The following PDE11A variants were observed in gnomAD, a reference collection of about 807,000 sequenced individuals.
PDE11A encodes phosphodiesterase 11A.
In PDE11A, 100 loss-of-function variants were observed where a neutral mutation model predicts 100.5. The observed-to-expected ratio is 1.00, with a 90% CI of 0.85 to 1.18. PDE11A has a LOEUF of 1.18. PDE11A is among the 50% of genes most tolerant of loss of function. The pLI is 0.00. For synonymous variants in PDE11A, 381 were observed against 420.8 expected, an observed-to-expected ratio of 0.91 and a Z score of 1.16; for missense variants, 1,141 against 1,152.6, an observed-to-expected ratio of 0.99 and a Z score of 0.15.
chr2:178,066,019 A>T (rs1170548083), intron 1 of PDE11A, among the ~76,000 whole-genome samples: 1 of 152,050 alleles, frequency 6.6e-6, no homozygotes, highest in Non-Finnish European at 1.5e-5. Context: ...AATTTTATGT[A>T]TAATTTTTTG....
At chr2:177,786,432 T>C (rs1465122482) in intron 9 of PDE11A, among the ~76,000 whole-genome samples, 9 of 151,164 alleles carry the variant, frequency 6.0e-5, no homozygotes, top group Non-Finnish European at 1.0e-4. Context: ...ACCACAAAGA[T>C]GGGGAAAAAA....
chr2:177,830,445 C>T lies in PDE11A; in HGVS notation c.1500+9806G>A, dbSNP rs116937086. On this transcript the variant is annotated intron_variant, in intron 6 of 19. Coordinates refer to ENST00000286063, the MANE Select transcript of PDE11A (RefSeq NM_016953.4). ...TGAAACCCTGTCTCTGCTAAAAATA[C>T]GAAAAATTAGCCAGCCATGGTGGTG... is the stretch of plus-strand genomic sequence containing the variant. Among the ~76,000 whole-genome samples the T allele has an allele frequency of 8.9e-3, 1,358 of 151,758 alleles. 13 individuals carry two copies. The highest frequency in any genetic ancestry group is 0.059 in the East Asian group (302 of 5,136).
At chr2:177,645,421 T>C (rs2080209287) in intron 19 of PDE11A, among the ~76,000 whole-genome samples, 1 of 152,166 alleles carries the variant, frequency 6.6e-6, no homozygotes, top group Admixed American at 6.5e-5. Flanking sequence ...GGCCATGAAC[T>C]CCTGACCTGA....
chr2:177,806,755 ATG>A (rs1245520690), intron 9 of PDE11A, among the ~76,000 whole-genome samples: 3 of 152,102 alleles, frequency 2.0e-5, no homozygotes, highest in African/African-American at 7.2e-5. Context: ...ATAAAGAATT[ATG>A]TGTTAAAAAT....
chr2:178,058,249 T>C (rs1238224549), intron 1 of PDE11A, among the ~76,000 whole-genome samples: 1 of 152,212 alleles, frequency 6.6e-6, no homozygotes, highest in African/African-American at 2.4e-5. Flanking sequence ...GACTGAATTT[T>C]TCATTATATT....
At chr2:177,850,936 A>T (rs1247218782) in intron 5 of PDE11A, among the ~76,000 whole-genome samples, 65 of 152,282 alleles carry the variant, frequency 4.3e-4, no homozygotes, top group African/African-American at 1.3e-3. Flanking sequence ...ACACTGTTGG[A>T]GGGACTGTAA....
At chr2:177,672,046 G>A (rs879836531) in intron 17 of PDE11A, among the ~76,000 whole-genome samples, 13 of 152,022 alleles carry the variant, frequency 8.6e-5, no homozygotes, top group Non-Finnish European at 1.9e-4. Flanking sequence ...TATTACAGGA[G>A]CCTCCCCCAG....
intron 10 of PDE11A, among the ~76,000 whole-genome samples, chr2:177,756,655 T>C (rs2082094549): frequency 6.6e-6 from 1 of 152,152 alleles, no homozygotes; most frequent in Non-Finnish European, 1.5e-5. Flanking sequence ...GTTAGGAAAA[T>C]GAACCTAGTA....
Position 178,081,766 on chromosome 2 carries a change from T to C in PDE11A, c.162+22536A>G, listed in dbSNP as rs191923779. ...CTTCAGTTGCAAACAATTCTGGTGA[T>C]TTTCTTTCAACATTTGCACAAGTAA... On this transcript the variant is annotated intron_variant, in intron 2 of 20. Transcript: ENST00000358450. Among the ~76,000 whole-genome samples, 233 of 152,364 alleles carry C rather than the reference T, an allele frequency of 1.5e-3. 2 individuals carry two copies. Among genetic ancestry groups the C allele is most frequent in the Non-Finnish European group, 2.5e-3 (168 of 68,024 alleles).
chr2:177,769,234 A>T, intron 10 of PDE11A, 89 bp downstream of exon 10: 1 of 814,574 alleles, frequency 1.2e-6, no homozygotes, highest in South Asian at 1.3e-5. Flanking sequence ...AATGGGCAGG[A>T]TTAATTCTCT....
chr2:177,707,179 A>G (rs2081293044), intron 13 of PDE11A, among the ~76,000 whole-genome samples: 1 of 152,184 alleles, frequency 6.6e-6, no homozygotes, highest in Non-Finnish European at 1.5e-5. Flanking sequence ...GATTTGGGCA[A>G]GTTTACTTAC....
chr2:177,646,044 A>G (rs2080219644), intron 19 of PDE11A, among the ~76,000 whole-genome samples: 1 of 152,228 alleles, frequency 6.6e-6, no homozygotes. Context: ...GTGGAAAATA[A>G]TATTCACAAA....
At chr2:177,966,027 T>G (rs2085693177) in intron 2 of PDE11A, among the ~76,000 whole-genome samples, 1 of 152,220 alleles carries the variant, frequency 6.6e-6, no homozygotes, top group Non-Finnish European at 1.5e-5. Flanking sequence ...TGTCTCTGAT[T>G]TTTTTCAGCA....
rs557757237 is a variant in PDE11A, at chr2:178,106,317, T to C, written c.-13-1841A>G. On this transcript the variant is annotated intron_variant, in intron 1 of 20. Transcript: ENST00000358450. The stretch of plus-strand genomic sequence containing the variant: ...GTCAACAATCCAAGTAAAGGGAAGA[T>C]AGTTTTCTTTAGGCAGTATCCAAAA... Among the ~76,000 whole-genome samples the C allele has an allele frequency of 4.6e-5, 7 of 152,342 alleles. 1 individual carries two copies. The highest frequency in any genetic ancestry group is 9.6e-5 in the African/African-American group (4 of 41,576).
chr2:178,075,882 C>A (rs1395008737), upstream of PDE11A, among the ~76,000 whole-genome samples: 2 of 152,038 alleles, frequency 1.3e-5, no homozygotes, highest in Non-Finnish European at 2.9e-5. Context: ...TGAAGGGGTT[C>A]CTTTGGTAAA....
chr2:178,079,956 T>C (rs572208276), intron 2 of PDE11A, among the ~76,000 whole-genome samples: 1 of 152,214 alleles, frequency 6.6e-6, no homozygotes, highest in Non-Finnish European at 1.5e-5. Flanking sequence ...TTTTGAGAAG[T>C]GTCTGTTCAT....
intron 5 of PDE11A, among the ~76,000 whole-genome samples, chr2:177,861,835 C>G (rs919605437): frequency 1.5e-4 from 23 of 151,834 alleles, no homozygotes; most frequent in Non-Finnish European, 8.9e-5. Context: ...GTCTTTTCAA[C>G]AAATGGTGCT....
At chr2:178,075,889 T>C (rs2087202122), upstream of PDE11A, among the ~76,000 whole-genome samples, 1 of 152,180 alleles carries the variant, frequency 6.6e-6, no homozygotes, top group Non-Finnish European at 1.5e-5. Flanking sequence ...GTTCCTTTGG[T>C]AAAGAAAATA....
intron 6 of PDE11A, among the ~76,000 whole-genome samples, chr2:177,837,201 G>A (rs944644070): frequency 2.0e-5 from 3 of 152,156 alleles, no homozygotes; most frequent in Non-Finnish European, 4.4e-5. Context: ...GTCTTAAGCT[G>A]TAGCCAATCT....
Sources: gnomAD v4.1 joint callset for allele counts (sites outside exome capture counted in the v4.1 genomes callset) on GRCh38, gnomAD v4.1.1 for gene constraint, MANE v1.5 for transcripts, NCBI Gene and HGNC (gene_info 2026-07-23, HGNC 2026-07-21) for gene names.